Variants in SNTG1 observed in about 807,000 individuals in gnomAD.
SNTG1 encodes gamma-1-syntrophin.
SNTG1 carries 39 observed loss-of-function variants against 74.7 expected under a neutral mutation model. That is an observed-to-expected ratio of 0.52 (90% confidence interval 0.40 to 0.68). The LOEUF (loss-of-function observed/expected upper bound fraction) is 0.68. SNTG1 is among the 30% of genes least tolerant of loss of function. The pLI is 0.00. For missense variants in SNTG1, 685 were observed against 609.5 expected, an observed-to-expected ratio of 1.12 and a Z score of -1.30; for synonymous variants, 254 against 217.1, an observed-to-expected ratio of 1.17 and a Z score of -1.49.
At chr8:50,688,992 C>A (rs997586962) in intron 15 of SNTG1, among the ~76,000 whole-genome samples, 3 of 151,806 alleles carry the variant, frequency 2.0e-5, no homozygotes, top group African/African-American at 7.3e-5. Context: ...AAATTGGATT[C>A]CTAGGTATTT....
Position 50,475,073 on chromosome 8 carries a change from G to C in SNTG1, c.363+24344G>C, listed in dbSNP as rs539480174. Among the ~76,000 whole-genome samples, 6 of 112,352 alleles carry C rather than the reference G, an allele frequency of 5.3e-5. No homozygotes were observed. The South Asian group carries it at 1.4e-3, about 26-fold the overall frequency. 73.7% of individuals were successfully genotyped at this position (112,352 alleles called of 152,430 possible). A position where few individuals can be genotyped will look rare whatever the true frequency, so the allele number is the denominator to read the frequency against. ...AGGGGAACATCACACACTGGGGACT[G>C]TTGTGGGGTGGGGGGAGGGGGGAGG... On this transcript the variant is annotated intron_variant, in intron 8 of 18. Coordinates refer to ENST00000642720, the MANE Select transcript of SNTG1 (RefSeq NM_018967.5).
chr8:50,336,023 A>G (rs2091130896), intron 2 of SNTG1, among the ~76,000 whole-genome samples: 1 of 152,096 alleles, frequency 6.6e-6, no homozygotes. Context: ...CGAATCCACC[A>G]TCTTTGATGT....
Position 50,115,576 on chromosome 8 carries a change from A to AAAAAAAAAAAAAAAAAC in SNTG1, c.-102-56974_-102-56973insAAAAACAAAAAAAAAAA, listed in dbSNP as rs1482375164. ...GAGCGAGACTCTGTCTCAAAAAAAA[A>AAAAAAAAAAAAAAAAAC]AAAAAAAAAAACGAGATGGTTGAAG... On this transcript the variant is annotated intron_variant, in intron 1 of 18. Transcript: ENST00000642720. Among the ~76,000 whole-genome samples, 19 of 82,894 alleles carry AAAAAAAAAAAAAAAAAC rather than the reference A, an allele frequency of 2.3e-4. 2 individuals carry two copies. The highest frequency in any genetic ancestry group is 4.0e-4 in the Non-Finnish European group (15 of 37,120). 54.4% of individuals were successfully genotyped at this position (82,894 alleles called of 152,430 possible).
At chr8:50,187,690 A>G (rs1256842962) in intron 2 of SNTG1, among the ~76,000 whole-genome samples, 1 of 152,172 alleles carries the variant, frequency 6.6e-6, no homozygotes, top group African/African-American at 2.4e-5. Context: ...CTCTGAGATG[A>G]GGTCCATGGT....
At chr8:50,053,099 A>T (rs145592283) in intron 1 of SNTG1, among the ~76,000 whole-genome samples, 2 of 152,290 alleles carry the variant, frequency 1.3e-5, no homozygotes, top group African/African-American at 2.4e-5. Context: ...AAGATAAATG[A>T]ACACACATTA....
Position 50,576,574 on chromosome 8 carries a change from A to G in SNTG1, c.811-14305A>G, listed in dbSNP as rs577509729. 5.9e-5 allele frequency among the ~76,000 whole-genome samples: 9 copies of G among 152,248 alleles called. No individual in the cohort carries two copies. In the South Asian group the frequency reaches 8.3e-4, roughly 14 times the overall value. On this transcript the variant is annotated intron_variant, in intron 12 of 18. Coordinates refer to ENST00000642720, the MANE Select transcript of SNTG1 (RefSeq NM_018967.5). ...TGAGTAGTGTTGCTGTCTTAATAAT[A>G]TTAAATCTTCACATCTATGAAGATG...
At chr8:50,692,683 G>C (rs192044653) in intron 15 of SNTG1, among the ~76,000 whole-genome samples, 3 of 152,316 alleles carry the variant, frequency 2.0e-5, no homozygotes, top group African/African-American at 7.2e-5. Flanking sequence ...TCCCAGTTAG[G>C]CTACTTGGGG....
At chr8:50,669,401 T>C (rs1313580076) in intron 15 of SNTG1, among the ~76,000 whole-genome samples, 1 of 152,078 alleles carries the variant, frequency 6.6e-6, no homozygotes, top group Non-Finnish European at 1.5e-5. Context: ...CATCAGAGAA[T>C]ACTACAAACA....
At chr8:50,253,249 C>A (rs544037496) in intron 2 of SNTG1, among the ~76,000 whole-genome samples, 32 of 152,086 alleles carry the variant, frequency 2.1e-4, no homozygotes, top group African/African-American at 7.7e-4. Flanking sequence ...CATGGAGAAA[C>A]CCTGTGTCTA....
At chr8:50,281,377 A>G (rs993026916) in intron 2 of SNTG1, among the ~76,000 whole-genome samples, 2 of 152,186 alleles carry the variant, frequency 1.3e-5, no homozygotes, top group African/African-American at 4.8e-5. Flanking sequence ...AGGGGGGTTC[A>G]TTCAGTTAGT....
intron 17 of SNTG1, among the ~76,000 whole-genome samples, chr8:50,723,014 A>G (rs1268338187): frequency 6.6e-6 from 1 of 152,110 alleles, no homozygotes; most frequent in African/African-American, 2.4e-5. Context: ...CTTGCATTTC[A>G]TGGGAAAAAG....
intron 13 of SNTG1, among the ~76,000 whole-genome samples, chr8:50,648,098 T>C (rs564738943): frequency 2.0e-5 from 3 of 152,298 alleles, no homozygotes; most frequent in South Asian, 2.1e-4. Context: ...TTTGGCATAG[T>C]AAACGGGAAG....
At chr8:49,912,523 G>T (rs1019043480) in intron 1 of SNTG1, among the ~76,000 whole-genome samples, 2 of 151,954 alleles carry the variant, frequency 1.3e-5, no homozygotes, top group Non-Finnish European at 2.9e-5. Flanking sequence ...TAATGCAATC[G>T]TTTGGCAAGA....
At chr8:49,985,197 G>A (rs1039572637) in intron 1 of SNTG1, among the ~76,000 whole-genome samples, 2 of 151,972 alleles carry the variant, frequency 1.3e-5, no homozygotes, top group Admixed American at 6.6e-5. Context: ...TTTGAGACAG[G>A]GTCTCACTCT....
intron 12 of SNTG1, among the ~76,000 whole-genome samples, chr8:50,569,599 C>G (rs2094535869): frequency 6.6e-6 from 1 of 150,952 alleles, no homozygotes; most frequent in Non-Finnish European, 1.5e-5. Context: ...CTCAACAAAG[C>G]TTGTAGGTGA....
At chr8:50,390,187 G>C (rs2092636667) in intron 2 of SNTG1, among the ~76,000 whole-genome samples, 2 of 152,038 alleles carry the variant, frequency 1.3e-5, no homozygotes, top group Admixed American at 6.6e-5. Context: ...GTATTGCCTA[G>C]GTTTTCTTCT....
intron 18 of SNTG1, among the ~76,000 whole-genome samples, chr8:50,770,517 G>A (rs1446397262): frequency 6.6e-6 from 1 of 151,992 alleles, no homozygotes; most frequent in Non-Finnish European, 1.5e-5. Context: ...CCACTGAAGG[G>A]TGTGGGCTGG....
chr8:50,607,255 T>G (rs1419774993), intron 13 of SNTG1, among the ~76,000 whole-genome samples: 2 of 152,028 alleles, frequency 1.3e-5, no homozygotes, highest in East Asian at 3.9e-4. Flanking sequence ...TTACGCTTCC[T>G]AAATTTTCTG....
intron 2 of SNTG1, among the ~76,000 whole-genome samples, chr8:50,200,508 G>A (rs2083943962): frequency 1.3e-5 from 2 of 152,124 alleles, no homozygotes; most frequent in South Asian, 4.1e-4. Context: ...TTCTCTGTGT[G>A]GAAAGATGTG....
Sources: allele counts gnomAD v4.1 joint callset (sites outside exome capture counted in the v4.1 genomes callset), GRCh38; gene constraint gnomAD v4.1.1; transcripts MANE v1.5; gene names NCBI Gene and HGNC (gene_info 2026-07-23, HGNC 2026-07-21).